SMYD2: variants seen among roughly 807,000 people sequenced by gnomAD.
The protein encoded by SMYD2 is SET and MYND domain containing 2.
In SMYD2, 53 loss-of-function variants were observed where a neutral mutation model predicts 59.1. The observed-to-expected ratio is 0.90, with a 90% CI of 0.72 to 1.13. SMYD2 has a LOEUF of 1.13. Ranked by LOEUF, SMYD2 falls within the 50% of genes most tolerant of loss-of-function variation. The probability of loss-of-function intolerance (pLI) is 0.00; values close to 1 mark genes in which losing one functional copy is unlikely to be tolerated. For synonymous variants in SMYD2, 208 were observed against 198.8 expected (o/e 1.05, Z -0.39); for missense variants, 494 against 544.7 (o/e 0.91, Z 0.93).
intron 1 of SMYD2, among the ~76,000 whole-genome samples, chr1:214,290,556 T>C (rs1444987630): frequency 1.3e-5 from 2 of 152,116 alleles, no homozygotes; most frequent in Non-Finnish European, 2.9e-5. Context: ...CTGTTGTGTC[T>C]TAGTGAGTGC....
chr1:214,330,063 C>T, intron 7 of SMYD2, 105 bp from the exon 8 acceptor site: 1 of 675,304 alleles, frequency 1.5e-6, no homozygotes, highest in Non-Finnish European at 2.5e-6. Flanking sequence ...CTGCAGCCCG[C>T]CTTATCCTCT....
At chr1:214,296,875 T>C (rs1312612748) in intron 1 of SMYD2, among the ~76,000 whole-genome samples, 1 of 152,198 alleles carries the variant, frequency 6.6e-6, no homozygotes, top group Non-Finnish European at 1.5e-5. Context: ...GAGGTTTTCT[T>C]TCTTAAAACT....
chr1:214,307,041 C>T (rs1343560828), intron 2 of SMYD2, among the ~76,000 whole-genome samples: 2 of 152,172 alleles, frequency 1.3e-5, no homozygotes, highest in South Asian at 2.1e-4. Flanking sequence ...GGCGTGGTGG[C>T]GGGTGCCTGT....
chr1:214,327,073 GAGC>G (rs1262964805), intron 6 of SMYD2, among the ~76,000 whole-genome samples: 1 of 152,218 alleles, frequency 6.6e-6, no homozygotes, highest in Non-Finnish European at 1.5e-5. Context: ...TGAGCAGCAG[GAGC>G]AGTAATGTCC....
In SMYD2 at chr1:214,312,052, C is replaced by T. The variant is rs1370319307; in HGVS notation, c.238-2710C>T. On this transcript the variant is annotated intron_variant, in intron 2 of 11. Coordinates refer to ENST00000366957, the MANE Select transcript of SMYD2 (RefSeq NM_020197.3). This position sits in a 1 kb window ranked among gnomAD's most constrained non-coding sequence, Gnocchi z 4.1. Reference sequence around the variant, plus strand: ...ACAGACCCACCTGTTCCCACCTCTTCGCCTCATCACCATGCTCTCATTTTA... The same window carrying T: ...ACAGACCCACCTGTTCCCACCTCTTTGCCTCATCACCATGCTCTCATTTTA... Among the ~76,000 whole-genome samples the T allele has an allele frequency of 3.3e-5, 5 of 152,200 alleles. No homozygotes were observed. Among genetic ancestry groups the T allele is most frequent in the African/African-American group, 7.2e-5 (3 of 41,448 alleles).
chr1:214,336,543 ATAAAT>A (rs1172915753), intron 11 of SMYD2, among the ~76,000 whole-genome samples, 156 bp from the exon 12 acceptor site: 2 of 152,256 alleles, frequency 1.3e-5, no homozygotes, highest in African/African-American at 2.4e-5. Context: ...AAATAAATAA[ATAAAT>A]TAAAATAAAA....
At position 214,318,995 on chromosome 1, in the gene SMYD2, G is replaced by A. The variant is rs1361687267; in HGVS notation, c.534+12G>A. ...TACTCTTTGCACAGGTAAGGACGCT[G>A]GCAGCAGGTAACACTCAGTCTGGCC... On this transcript the variant is annotated intron_variant, in intron 5 of 11. Transcript: ENST00000366957. The surrounding 1 kb of genome is among the most constrained non-coding windows in gnomAD (Gnocchi z 5.4). 4 of 1,612,968 alleles carry A rather than the reference G, an allele frequency of 2.5e-6. No individual in the cohort carries two copies. In the Admixed American group the frequency reaches 5.0e-5, roughly 20 times the overall value.
At chr1:214,336,626 C>T (rs1571937822) in intron 11 of SMYD2, 78 bp from the exon 12 acceptor site, 2 of 1,341,456 alleles carry the variant, frequency 1.5e-6, no homozygotes, top group East Asian at 4.7e-5. Flanking sequence ...GCAGAGAGAT[C>T]CAACTTAAAG....
In SMYD2 at chr1:214,334,382, C is replaced by T. The variant is rs1466309409; in HGVS notation, c.1221+74C>T. The T allele has an allele frequency of 3.7e-6, 5 of 1,338,080 alleles. No homozygotes were observed. In the East Asian group the frequency reaches 1.2e-4, roughly 31 times the overall value. 82.9% of individuals were successfully genotyped at this position (1,338,080 alleles called of 1,614,324 possible). A position where few individuals can be genotyped will look rare whatever the true frequency, so the allele number is the denominator to read the frequency against. ...TTAGCGCACCTCCTTCATGCCTCAC[C>T]AGGCTGAATGGCTGAAGCAGTGGAG... On this transcript the variant is annotated intron_variant, in intron 11 of 11. Coordinates refer to ENST00000366957, the MANE Select transcript of SMYD2 (RefSeq NM_020197.3).
At chr1:214,316,218 C>T (rs565825307) in intron 3 of SMYD2, among the ~76,000 whole-genome samples, 1 of 152,238 alleles carries the variant, frequency 6.6e-6, no homozygotes, top group Admixed American at 6.5e-5. Flanking sequence ...TACCTGTAAT[C>T]TTAGCACTTT....
chr1:214,335,544 TCATAGTCACAGGC>T (rs1487145130), intron 11 of SMYD2, among the ~76,000 whole-genome samples: 1 of 152,222 alleles, frequency 6.6e-6, no homozygotes, highest in East Asian at 1.9e-4. Context: ...GGAATGCCTG[TCATAGTCACAGGC>T]CATTAAAAAT....
At position 214,312,741 on chromosome 1, in the gene SMYD2, G is replaced by C. The variant is rs1337233940; in HGVS notation, c.238-2021G>C. ...GGTGAGAGTACGGTGGGGGATGATG[G>C]GCTGGGGTGGTGCAGGGACGCTCCC... On this transcript the variant is annotated intron_variant, in intron 2 of 11. Transcript: ENST00000366957. This position sits in a 1 kb window ranked among gnomAD's most constrained non-coding sequence, Gnocchi z 4.1. Among the ~76,000 whole-genome samples, 1 of 152,196 alleles carries C rather than the reference G, an allele frequency of 6.6e-6. No individual in the cohort carries two copies. The highest frequency in any genetic ancestry group is 6.5e-5 in the Admixed American group (1 of 15,276).
At chr1:214,328,943 G>A (rs549493603) in intron 7 of SMYD2, among the ~76,000 whole-genome samples, 7 of 152,220 alleles carry the variant, frequency 4.6e-5, no homozygotes, top group Non-Finnish European at 1.0e-4. Flanking sequence ...CTGCAGAGAT[G>A]AGCAGGTTGT....
intron 1 of SMYD2, among the ~76,000 whole-genome samples, chr1:214,283,931 G>A (rs897937090): frequency 3.9e-5 from 6 of 152,136 alleles, no homozygotes; most frequent in Admixed American, 2.6e-4. Context: ...CTTTAGGTAG[G>A]AATAAGTATA....
At position 214,312,985 on chromosome 1, in the gene SMYD2, G is replaced by A. The variant is rs1028972777; in HGVS notation, c.238-1777G>A. On this transcript the variant is annotated intron_variant, in intron 2 of 11. Coordinates refer to ENST00000366957, the MANE Select transcript of SMYD2 (RefSeq NM_020197.3). This position sits in a 1 kb window ranked among gnomAD's most constrained non-coding sequence, Gnocchi z 4.1. The stretch of plus-strand genomic sequence containing the variant: ...AGTCATGAGAGATGTTGGGGCTGCA[G>A]CCGGGTAGAAAGGTTGTGGAGCTAA... Among the ~76,000 whole-genome samples the A allele has an allele frequency of 6.6e-6, 1 of 152,224 alleles. No homozygotes were observed. Among genetic ancestry groups the A allele is most frequent in the Non-Finnish European group, 1.5e-5 (1 of 68,032 alleles).
In SMYD2 at chr1:214,281,441, G is replaced by A. The variant is rs183461239; in HGVS notation, c.173+14G>A. ...CTGCTTCACCAGGTAGGGCGGCGGCGGCGGCGGCGGCGGGCGGGAGCCGGG... is the reference window on the plus strand; with the variant it reads ...CTGCTTCACCAGGTAGGGCGGCGGCAGCGGCGGCGGCGGGCGGGAGCCGGG... On this transcript the variant is annotated intron_variant, in intron 1 of 11. Coordinates refer to ENST00000366957, the MANE Select transcript of SMYD2 (RefSeq NM_020197.3). The A allele has an allele frequency of 1.3e-3, 1,882 of 1,396,000 alleles. 26 individuals are homozygous for A. The African/African-American group carries it at 0.025, about 18-fold the overall frequency. The allele number at this position is 1,396,000 out of a possible 1,614,324, so 86.5% of individuals were successfully genotyped here. A position where few individuals can be genotyped will look rare whatever the true frequency, so the allele number is the denominator to read the frequency against.
At chr1:214,302,052 GT>G (rs1161377502) in intron 1 of SMYD2, among the ~76,000 whole-genome samples, 1 of 152,164 alleles carries the variant, frequency 6.6e-6, no homozygotes, top group African/African-American at 2.4e-5. Context: ...AAAGAATACA[GT>G]GTTTCCAGCC....
chr1:214,328,476 C>T (rs1164841860), intron 7 of SMYD2, among the ~76,000 whole-genome samples: 2 of 152,088 alleles, frequency 1.3e-5, no homozygotes, highest in East Asian at 1.9e-4. Flanking sequence ...CCTCATGAGA[C>T]GTCTCACCTG....
rs138706607 is a variant in SMYD2, at chr1:214,314,833, G to A, written c.309G>A (p.Ser103=). The change falls in exon 3 of 12, where the codon TCG becomes TCA. Residue 103 remains serine (S), a synonymous_variant. Transcript: ENST00000366957. ...MVVFGENWNP[S]ETVRLTARIL... Reference sequence around the variant, plus strand: ...TTTTTGGGGAAAACTGGAATCCCTCGGAGACTGTAAGACTAACAGCAAGGA... The same window carrying A: ...TTTTTGGGGAAAACTGGAATCCCTCAGAGACTGTAAGACTAACAGCAAGGA... The A allele has an allele frequency of 2.0e-5, 33 of 1,614,044 alleles. 1 individual carries two copies. Among genetic ancestry groups the A allele is most frequent in the African/African-American group, 1.7e-4 (13 of 75,016 alleles).
Sources: allele counts gnomAD v4.1 joint callset (sites outside exome capture counted in the v4.1 genomes callset), GRCh38; gene constraint gnomAD v4.1.1; non-coding constraint Gnocchi (gnomAD v3.1); transcripts MANE v1.5; gene names NCBI Gene and HGNC (gene_info 2026-07-23, HGNC 2026-07-21).